Variants in MDGA2 observed in about 807,000 individuals in gnomAD.
MDGA2 encodes the protein MAM domain containing glycosylphosphatidylinositol anchor 2, also known as MAM domain-containing glycosylphosphatidylinositol anchor protein 2.
MDGA2 carries 40 observed loss-of-function variants against 117.8 expected under a neutral mutation model. That is an observed-to-expected ratio of 0.34 (90% CI 0.26 to 0.44). The LOEUF (loss-of-function observed/expected upper bound fraction) is 0.44, where lower values mean the gene tolerates loss of function less well. Ranked by LOEUF, MDGA2 falls within the 20% of genes least tolerant of loss-of-function variation. The probability of loss-of-function intolerance (pLI) is 1.00; values close to 1 mark genes in which losing one functional copy is unlikely to be tolerated. For synonymous variants in MDGA2, 452 were observed against 439.0 expected, an observed-to-expected ratio of 1.03 and a Z score of -0.37; for missense variants, 1,123 against 1,250.6, an observed-to-expected ratio of 0.90 and a Z score of 1.54.
At chr14:47,043,765 T>C (rs1232353696) in intron 7 of MDGA2, among the ~76,000 whole-genome samples, 1 of 152,128 alleles carries the variant, frequency 6.6e-6, no homozygotes, top group Non-Finnish European at 1.5e-5. Flanking sequence ...TTCAACTGCT[T>C]AACATACTTG....
chr14:46,872,702 C>G (rs1282901017), intron 14 of MDGA2, among the ~76,000 whole-genome samples: 4 of 151,948 alleles, frequency 2.6e-5, no homozygotes, highest in African/African-American at 9.7e-5. Flanking sequence ...ATATATCAGG[C>G]TAACATGTAA....
At chr14:46,860,013 T>C (rs1278301212) in intron 14 of MDGA2, among the ~76,000 whole-genome samples, 5 of 152,244 alleles carry the variant, frequency 3.3e-5, no homozygotes, top group Admixed American at 6.5e-5. Flanking sequence ...TTATATGATA[T>C]AGAGTAGCTT....
At chr14:46,941,313 C>A (rs574098420) in intron 9 of MDGA2, among the ~76,000 whole-genome samples, 2 of 152,300 alleles carry the variant, frequency 1.3e-5, no homozygotes, top group East Asian at 3.9e-4. Context: ...GTTATAACCT[C>A]TGGTCTGAAT....
chr14:47,143,509 C>A (rs1419641480), intron 4 of MDGA2, among the ~76,000 whole-genome samples: 1 of 152,086 alleles, frequency 6.6e-6, no homozygotes, highest in African/African-American at 2.4e-5. Context: ...ATTACGCTCA[C>A]TTTATGTAAA....
intron 5 of MDGA2, among the ~76,000 whole-genome samples, chr14:47,118,597 C>CA (rs1429152782): frequency 6.6e-6 from 1 of 152,084 alleles, no homozygotes; most frequent in Non-Finnish European, 1.5e-5. Context: ...AGAGCAAAAA[C>CA]AAAAAATACC....
intron 1 of MDGA2, among the ~76,000 whole-genome samples, chr14:47,327,121 T>C (rs561947497): frequency 5.3e-5 from 8 of 152,266 alleles, no homozygotes; most frequent in African/African-American, 1.4e-4. Context: ...GCAGGAGCCA[T>C]TACTTGGACA....
At chr14:46,989,322 G>GA (rs71448152) in intron 8 of MDGA2, among the ~76,000 whole-genome samples, 16,084 of 146,162 alleles carry the variant, frequency 0.11, 1,027 homozygotes, top group Non-Finnish European at 0.14. Context: ...AGCTGCACTG[G>GA]AAAAAAAAAA....
At chr14:46,991,797 G>T (rs1887102374) in intron 8 of MDGA2, among the ~76,000 whole-genome samples, 1 of 152,080 alleles carries the variant, frequency 6.6e-6, no homozygotes, top group African/African-American at 2.4e-5. Context: ...AAAATTAAAA[G>T]TTAATGTTCA....
chr14:47,527,539 C>G (rs1894998193), intron 1 of MDGA2, among the ~76,000 whole-genome samples: 1 of 152,156 alleles, frequency 6.6e-6, no homozygotes, highest in Non-Finnish European at 1.5e-5. Flanking sequence ...GAGCCAAAAA[C>G]TGAGGGCAGA....
intron 2 of MDGA2, among the ~76,000 whole-genome samples, chr14:47,224,664 G>GA (rs1358643313): frequency 1.3e-5 from 2 of 151,994 alleles, no homozygotes; most frequent in Non-Finnish European, 2.9e-5. Flanking sequence ...GAATCCTTGA[G>GA]AAAAAAATTA....
rs368692413 is a variant in MDGA2, at chr14:46,963,364, G to A, written c.1820-5721C>T. 4.5e-4 allele frequency among the ~76,000 whole-genome samples: 69 copies of A among 152,272 alleles called. No individual in the cohort carries two copies. The East Asian group carries it at 0.012, about 27-fold the overall frequency. On this transcript the variant is annotated intron_variant, in intron 8 of 16. Coordinates refer to ENST00000399232, the MANE Select transcript of MDGA2 (RefSeq NM_001113498.3). ...CATTCTTCTGAGATTTGTCAAATGC[G>A]TGTTTAACAGAAAAATCAGCTCATG...
intron 1 of MDGA2, among the ~76,000 whole-genome samples, chr14:47,511,989 G>GCCATTT (rs1894651741): frequency 6.6e-6 from 1 of 152,084 alleles, no homozygotes; most frequent in South Asian, 2.1e-4. Context: ...AATTGCTCTA[G>GCCATTT]CCATTTTGCA....
At chr14:47,613,000 C>T (rs8015075) in intron 1 of MDGA2, among the ~76,000 whole-genome samples, 2 of 151,956 alleles carry the variant, frequency 1.3e-5, no homozygotes, top group Admixed American at 6.6e-5. Context: ...TCCCTTATTG[C>T]GGGTATTGAA....
intron 1 of MDGA2, among the ~76,000 whole-genome samples, chr14:47,517,604 T>C (rs17747012): frequency 0.32 from 48,229 of 151,998 alleles, 8,521 homozygotes; most frequent in East Asian, 0.59. Context: ...TCCAGAAAGA[T>C]AGAGGCAATG....
At chr14:46,943,614 T>C (rs1367887516) in intron 9 of MDGA2, among the ~76,000 whole-genome samples, 1 of 152,078 alleles carries the variant, frequency 6.6e-6, no homozygotes, top group East Asian at 1.9e-4. Context: ...CATGATTCTC[T>C]GAGGTCCCTA....
intron 1 of MDGA2, among the ~76,000 whole-genome samples, chr14:47,495,294 A>G (rs1432200214): frequency 6.6e-6 from 1 of 152,070 alleles, no homozygotes; most frequent in Non-Finnish European, 1.5e-5. Context: ...GTTGGGTGGC[A>G]TGAGGGGAAA....
At chr14:47,052,013 A>G (rs879345599) in intron 7 of MDGA2, among the ~76,000 whole-genome samples, 3 of 151,882 alleles carry the variant, frequency 2.0e-5, no homozygotes, top group Non-Finnish European at 2.9e-5. Flanking sequence ...ATTGTTAACT[A>G]TAAATCTGGT....
chr14:47,619,690 C>T (rs745881516), intron 1 of MDGA2, among the ~76,000 whole-genome samples: 31 of 152,136 alleles, frequency 2.0e-4, no homozygotes, highest in Non-Finnish European at 4.0e-4. Context: ...GCATAAGGAG[C>T]TATATTGCTC....
intron 2 of MDGA2, among the ~76,000 whole-genome samples, chr14:47,226,010 C>A (rs1052577015): frequency 6.6e-6 from 1 of 151,724 alleles, no homozygotes; most frequent in Non-Finnish European, 1.5e-5. Context: ...GGAGCCTGGC[C>A]GGGAGCAGTG....
Sources: allele counts gnomAD v4.1 joint callset (sites outside exome capture counted in the v4.1 genomes callset), GRCh38; gene constraint gnomAD v4.1.1; transcripts MANE v1.5; gene names NCBI Gene and HGNC (gene_info 2026-07-23, HGNC 2026-07-21).